The following TOMM40L variants were observed in gnomAD, a reference collection of about 807,000 sequenced individuals.
TOMM40L encodes the protein translocase of outer mitochondrial membrane 40 like, also known as mitochondrial import receptor subunit TOM40B.
A neutral mutation model predicts 38.3 loss-of-function variants in TOMM40L; 17 were observed. The ratio of observed to expected loss-of-function variants is 0.44; its 90% CI spans 0.30 to 0.67. TOMM40L has a LOEUF of 0.67. Ranked by LOEUF, TOMM40L falls within the 30% of genes least tolerant of loss-of-function variation. The pLI is 0.08. For synonymous variants in TOMM40L, 151 were observed against 150.2 expected (o/e 1.01, Z -0.04); for missense variants, 294 against 390.0 (o/e 0.75, Z 2.07).
intron 1 of TOMM40L, 89 bp downstream of exon 1, chr1:161,226,225 G>A (rs969417815): frequency 7.1e-6 from 3 of 420,510 alleles, no homozygotes; most frequent in Non-Finnish European, 1.3e-5. Flanking sequence ...GTCTGTGGTG[G>A]GGGCTAGGAT....
chr1:161,228,715 G>T lies in TOMM40L; in HGVS notation c.685G>T (p.Val229Phe), dbSNP rs1282151396. 1 of 1,614,136 alleles carries T rather than the reference G, an allele frequency of 6.2e-7. No individual in the cohort carries two copies. The highest frequency in any genetic ancestry group is 1.3e-5 in the African/African-American group (1 of 75,018). ...ASYYHRANEQVQVGVEFEANT... is the reference protein window; with the variant it reads ...ASYYHRANEQFQVGVEFEANT... ...TCTCATCCTTGCCCATGGTTCTCAGGTTCAGGTTGGAGTGGAGTTTGAGGC... is the reference window on the plus strand; with the variant it reads ...TCTCATCCTTGCCCATGGTTCTCAGTTTCAGGTTGGAGTGGAGTTTGAGGC... The change falls in exon 9 of 10, where the codon GTT becomes TTT. Residue 229 changes from valine to phenylalanine, a missense_variant and splice_region_variant. Coordinates refer to ENST00000367988, the MANE Select transcript of TOMM40L (RefSeq NM_032174.6).
chr1:161,230,332 A>G lies in TOMM40L; in HGVS notation c.*1237A>G, dbSNP rs911583942. ...GGAACGAGCAAAACAGAAGCGGTGC[A>G]TACCTCAGAGCCTGGATAAATCACA... On this transcript the variant is annotated 3_prime_UTR_variant, in exon 10 of 10. Coordinates refer to ENST00000367988, the MANE Select transcript of TOMM40L (RefSeq NM_032174.6). 3.9e-5 allele frequency: 12 copies of G among 304,338 alleles called. No homozygotes were observed. The highest frequency in any genetic ancestry group is 6.7e-5 in the Non-Finnish European group (11 of 163,848). The allele number at this position is 304,338 out of a possible 1,614,324, so 18.9% of individuals were successfully genotyped here. A position where few individuals can be genotyped will look rare whatever the true frequency, so the allele number is the denominator to read the frequency against.
At chr1:161,226,642 G>A (rs1299842099) in intron 2 of TOMM40L, 38 bp downstream of exon 2, 1 of 1,587,762 alleles carries the variant, frequency 6.3e-7, no homozygotes, top group Middle Eastern at 1.7e-4. Flanking sequence ...GGATGAAGGG[G>A]CAGAGGAGTG....
intron 2 of TOMM40L, 90 bp from the exon 3 acceptor site, chr1:161,226,798 T>C: frequency 6.8e-7 from 1 of 1,464,740 alleles, no homozygotes; most frequent in African/African-American, 1.4e-5. Context: ...TCCTCCAAAG[T>C]GTTCCCTATG....
At chr1:161,227,400 C>T (rs1282915846) in intron 4 of TOMM40L, 50 bp downstream of exon 4, 2 of 1,559,920 alleles carry the variant, frequency 1.3e-6, no homozygotes, top group East Asian at 2.2e-5. Context: ...AATCTGGGAC[C>T]CAGGTCTGGA....
intron 8 of TOMM40L, 26 bp downstream of exon 8, chr1:161,228,530 C>G: frequency 6.2e-7 from 1 of 1,612,816 alleles, no homozygotes; most frequent in Admixed American, 1.7e-5. Flanking sequence ...TCATTCCCTC[C>G]TTGTCAGCAA....
chr1:161,228,595 T>G, intron 8 of TOMM40L, 91 bp downstream of exon 8: 1 of 1,568,752 alleles, frequency 6.4e-7, no homozygotes, highest in South Asian at 1.1e-5. Flanking sequence ...GACCTATTTT[T>G]CTTCCTACCA....
Position 161,226,961 on chromosome 1 carries a change from C to T in TOMM40L, c.183+6C>T, listed in dbSNP as rs775237851. 1 of 1,614,078 alleles carries T rather than the reference C, an allele frequency of 6.2e-7. No individual in the cohort carries two copies. The highest frequency in any genetic ancestry group is 1.1e-5 in the South Asian group (1 of 91,084). On this transcript the variant is annotated splice_donor_region_variant and intron_variant, in intron 3 of 9. Transcript: ENST00000367988. ...TTCTGAGCAGCCATTTCCAGGTGCTCCCACTTCTCTGGCCCCTCCTTACTA... is the reference window on the plus strand; with the variant it reads ...TTCTGAGCAGCCATTTCCAGGTGCTTCCACTTCTCTGGCCCCTCCTTACTA...
rs150543962 is a variant in TOMM40L, at chr1:161,229,385, G to T, written c.*290G>T. Reference sequence around the variant, plus strand: ...TTAAGGGGTATGGCTGAATTCCCCCGGCACCCCTTGCCCTCAGGCTTCCTT... The same window carrying T: ...TTAAGGGGTATGGCTGAATTCCCCCTGCACCCCTTGCCCTCAGGCTTCCTT... On this transcript the variant is annotated 3_prime_UTR_variant, in exon 10 of 10. Transcript: ENST00000367988. 2 of 609,558 alleles carry T rather than the reference G, an allele frequency of 3.3e-6. No homozygotes were observed. Among genetic ancestry groups the T allele is most frequent in the Non-Finnish European group, 5.7e-6 (2 of 350,120 alleles). The allele number at this position is 609,558 out of a possible 1,614,324, so 37.8% of individuals were successfully genotyped here. A position where few individuals can be genotyped will look rare whatever the true frequency, so the allele number is the denominator to read the frequency against.
Position 161,229,008 on chromosome 1 carries a change from C to T in TOMM40L, c.840C>T (p.Pro280=). 3 of 1,614,140 alleles carry T rather than the reference C, an allele frequency of 1.9e-6. No homozygotes were observed. The highest frequency in any genetic ancestry group is 2.5e-6 in the Non-Finnish European group (3 of 1,180,026). ...CVGAVLEKKM[P]PLPVTLALGA... Reference sequence around the variant, plus strand: ...GTGCTGTGCTGGAGAAGAAGATGCCCCCTCTGCCTGTCACCCTAGCCCTTG... The same window carrying T: ...GTGCTGTGCTGGAGAAGAAGATGCCTCCTCTGCCTGTCACCCTAGCCCTTG... Residue 280 remains proline, a synonymous_variant, in exon 10 of 10, where the codon CCC becomes CCT. Coordinates refer to ENST00000367988, the MANE Select transcript of TOMM40L (RefSeq NM_032174.6).
At position 161,228,008 on chromosome 1, in the gene TOMM40L, G is replaced by A. The variant is rs770824623; in HGVS notation, c.484+19G>A. The A allele has an allele frequency of 6.2e-7, 1 of 1,612,676 alleles. No homozygotes were observed. Among genetic ancestry groups the A allele is most frequent in the East Asian group, 2.2e-5 (1 of 44,872 alleles). On this transcript the variant is annotated intron_variant, in intron 6 of 9. Coordinates refer to ENST00000367988, the MANE Select transcript of TOMM40L (RefSeq NM_032174.6). ...GAGTCGGGTGAGGAACTGGGACAGG[G>A]TTCTTTTTATCTTGGCGGCCCATTT...
In TOMM40L at chr1:161,226,112, A is replaced by G; in HGVS notation, c.-160A>G. The G allele has an allele frequency of 6.0e-6, 1 of 167,872 alleles. No homozygotes were observed. 10.4% of individuals were successfully genotyped at this position (167,872 alleles called of 1,614,324 possible). On this transcript the variant is annotated 5_prime_UTR_variant, in exon 1 of 10. Transcript: ENST00000367988. ...GATGACCGGGGTGTGCCGGGGGGAA[A>G]GGGGCAGCATGATGGTCTGAGATGG...
intron 9 of TOMM40L, 69 bp downstream of exon 9, chr1:161,228,886 A>G: frequency 6.2e-7 from 1 of 1,613,694 alleles, no homozygotes; most frequent in Non-Finnish European, 8.5e-7. Context: ...GGGAAGCTCG[A>G]CCTTACTTCT....
chr1:161,226,793 C>A, intron 2 of TOMM40L, 95 bp from the exon 3 acceptor site: 1 of 1,452,540 alleles, frequency 6.9e-7, no homozygotes, highest in Non-Finnish European at 9.5e-7. Context: ...TTAATTCCTC[C>A]AAAGTGTTCC....
Position 161,228,441 on chromosome 1 carries a change from A to G in TOMM40L, c.621A>G (p.Val207=), listed in dbSNP as rs373013630. The G allele has an allele frequency of 7.4e-6, 12 of 1,614,100 alleles. No individual in the cohort carries two copies. The highest frequency in any genetic ancestry group is 1.0e-5 in the Non-Finnish European group (12 of 1,180,006). The change falls in exon 8 of 10, where the codon GTA becomes GTG. Residue 207 remains valine, a synonymous_variant. Coordinates refer to ENST00000367988, the MANE Select transcript of TOMM40L (RefSeq NM_032174.6). The part of the protein sequence containing the change: ...LAGKYSAVHW[V]ATLNVGSGGA... ...TGGATTTTACAGCTGTACACTGGGT[A>G]GCTACATTGAATGTGGGATCAGGCG... is the stretch of plus-strand genomic sequence containing the variant.
In TOMM40L at chr1:161,228,044, C is replaced by T. The variant is rs1382504465; in HGVS notation, c.484+55C>T. The T allele has an allele frequency of 1.3e-5, 21 of 1,603,758 alleles. No individual in the cohort carries two copies. In the East Asian group the frequency reaches 4.7e-4, roughly 36 times the overall value. ...CTTGGCGGCCCATTTGCTAATGTTA[C>T]TATGCCTCTTCATCTTCTGTACAGT... On this transcript the variant is annotated intron_variant, in intron 6 of 9. Transcript: ENST00000367988.
intron 3 of TOMM40L, 31 bp from the exon 4 acceptor site, chr1:161,227,227 G>A (rs1396824259): frequency 3.1e-6 from 5 of 1,599,520 alleles, no homozygotes; most frequent in Non-Finnish European, 4.3e-6. Flanking sequence ...GCAGGAATGC[G>A]CTTTTCTCCA....
rs776956399 is a variant in TOMM40L at position 161,229,650 on chromosome 1, C to T, written c.*555C>T. Reference sequence around the variant, plus strand: ...ATGGTCACCCCCACTATCCCCATGACCGCATGAAGAGGCAGTTATTGCTTT... The same window carrying T: ...ATGGTCACCCCCACTATCCCCATGATCGCATGAAGAGGCAGTTATTGCTTT... On this transcript the variant is annotated 3_prime_UTR_variant, in exon 10 of 10. Transcript: ENST00000367988. 1 of 1,613,262 alleles carries T rather than the reference C, an allele frequency of 6.2e-7. No homozygotes were observed. Among genetic ancestry groups the T allele is most frequent in the Non-Finnish European group, 8.5e-7 (1 of 1,179,836 alleles).
intron 3 of TOMM40L, 138 bp from the exon 4 acceptor site, chr1:161,227,120 C>T: frequency 8.6e-7 from 1 of 1,163,804 alleles, no homozygotes; most frequent in Non-Finnish European, 1.2e-6. Flanking sequence ...TGCTTTTAAT[C>T]CGATGACCTT....
Sources: gnomAD v4.1 joint callset for allele counts on GRCh38, gnomAD v4.1.1 for gene constraint, MANE v1.5 for transcripts, NCBI Gene and HGNC (gene_info 2026-07-23, HGNC 2026-07-21) for gene names.